Variants in FARSB observed in about 807,000 individuals in gnomAD.
FARSB encodes the protein phenylalanine--tRNA ligase beta subunit.
Under a neutral mutation model 69.6 loss-of-function variants are expected in FARSB, and 40 were observed. That is an observed-to-expected ratio of 0.57 (90% confidence interval 0.45 to 0.75). The LOEUF (loss-of-function observed/expected upper bound fraction) is 0.75. FARSB is among the 30% of genes least tolerant of loss of function. The probability of loss-of-function intolerance (pLI) is 0.00; values close to 1 mark genes in which losing one functional copy is unlikely to be tolerated. For synonymous variants in FARSB, 235 were observed against 247.2 expected, an observed-to-expected ratio of 0.95 and a Z score of 0.46; for missense variants, 632 against 722.9, an observed-to-expected ratio of 0.87 and a Z score of 1.44.
chr2:222,577,008 C>T (rs1162376358), intron 16 of FARSB, among the ~76,000 whole-genome samples: 3 of 151,808 alleles, frequency 2.0e-5, no homozygotes, highest in Non-Finnish European at 2.9e-5. Flanking sequence ...TTGAGGGCAC[C>T]GATGGACTAC....
intron 16 of FARSB, among the ~76,000 whole-genome samples, chr2:222,593,203 AG>A (rs1057433771): frequency 6.6e-5 from 10 of 152,036 alleles, no homozygotes; most frequent in Admixed American, 3.9e-4. Flanking sequence ...GGGGCGGGGC[AG>A]GGGGGTATGA....
At chr2:222,587,645 A>G (rs1292980199) in intron 16 of FARSB, among the ~76,000 whole-genome samples, 1 of 152,222 alleles carries the variant, frequency 6.6e-6, no homozygotes. Flanking sequence ...GAAGAATCAA[A>G]TAGACGCACT....
rs1412548253 is a variant in FARSB, at chr2:222,600,097, G to A, written c.1463-14C>T. The A allele has an allele frequency of 2.4e-5, 39 of 1,599,808 alleles. No homozygotes were observed. Among genetic ancestry groups the A allele is most frequent in the Non-Finnish European group, 3.2e-5 (38 of 1,175,634 alleles). On this transcript the variant is annotated splice_polypyrimidine_tract_variant and intron_variant, in intron 15 of 16. Transcript: ENST00000281828. ...TTGCACCTACATCTAGAAAAATAAA[G>A]GAACTGGTCACAACGCTGTATTAAC...
intron 14 of FARSB, among the ~76,000 whole-genome samples, chr2:222,616,193 A>T (rs1233153096): frequency 1.3e-5 from 2 of 152,224 alleles, no homozygotes. Flanking sequence ...AGAAAGACGG[A>T]AGGATGAGAG....
At position 222,648,752 on chromosome 2, in the gene FARSB, C is replaced by T; in HGVS notation, c.102G>A (p.Glu34=). The part of the protein sequence containing the change: ...FDELCFEFGL[E]LDEITSEKEI... ...ATCCAATACATACAATTTCATCAAG[C>T]TCCAGACCAAATTCAAAACATAGTT... Residue 34 remains glutamate (E), a synonymous_variant, in exon 2 of 17, where the codon GAG becomes GAA. Transcript: ENST00000281828. The T allele has an allele frequency of 6.3e-7, 1 of 1,598,412 alleles. No individual in the cohort carries two copies. Among genetic ancestry groups the T allele is most frequent in the South Asian group, 1.1e-5 (1 of 90,742 alleles).
At chr2:222,604,143 G>A (rs577798846) in intron 15 of FARSB, among the ~76,000 whole-genome samples, 5 of 151,750 alleles carry the variant, frequency 3.3e-5, no homozygotes, top group South Asian at 4.2e-4. Context: ...GCGTGAACCC[G>A]GGAGGCAGAG....
At chr2:222,592,798 C>T (rs1241698740) in intron 16 of FARSB, among the ~76,000 whole-genome samples, 1 of 151,760 alleles carries the variant, frequency 6.6e-6, no homozygotes, top group Non-Finnish European at 1.5e-5. Flanking sequence ...CAGTTTTTCA[C>T]TTTCCGTGGT....
rs776325279 is a variant in FARSB, at chr2:222,619,705, A to G, written c.1284T>C (p.Gly428=). The G allele has an allele frequency of 4.4e-6, 7 of 1,605,854 alleles. No individual in the cohort carries two copies. Among genetic ancestry groups the G allele is most frequent in the Non-Finnish European group, 6.0e-6 (7 of 1,173,096 alleles). ...CSQEDIADKL[G]VDISATKAVH... ...CTGCCTTTGTTGCAGAGATATCCAC[A>G]CCTAGTTTATCAGCAATATCTTCTT... is the stretch of plus-strand genomic sequence containing the variant. Residue 428 remains glycine, a synonymous_variant, in exon 14 of 17, where the codon GGT becomes GGC. Transcript: ENST00000281828.
At chr2:222,617,757 C>T (rs567363678) in intron 14 of FARSB, among the ~76,000 whole-genome samples, 3 of 152,272 alleles carry the variant, frequency 2.0e-5, no homozygotes, top group East Asian at 3.9e-4. Context: ...GTAGCACACA[C>T]CTGTAATCCC....
chr2:222,642,921 C>T lies in FARSB; in HGVS notation c.199G>A (p.Val67Ile), dbSNP rs139085353. Residue 67 changes from valine to isoleucine, a missense_variant, in exon 3 of 17, where the codon GTC (valine) becomes ATC (isoleucine). Val to Ile is a conservative substitution (Grantham distance 29). Coordinates refer to ENST00000281828, the MANE Select transcript of FARSB (RefSeq NM_005687.5). Reference sequence around the variant, plus strand: ...AGGAGATCATATCTATTGGCAGGGACGTCAATTTTGTAAAGAACAACATCA... The same window carrying T: ...AGGAGATCATATCTATTGGCAGGGATGTCAATTTTGTAAAGAACAACATCA... Reference protein sequence around the residue: ...ASDVVLYKIDVPANRYDLLCL... With the variant: ...ASDVVLYKIDIPANRYDLLCL... 4.8e-5 allele frequency: 77 copies of T among 1,612,482 alleles called. No individual in the cohort carries two copies. The highest frequency in any genetic ancestry group is 5.5e-5 in the Non-Finnish European group (65 of 1,178,606).
intron 16 of FARSB, 79 bp downstream of exon 16, chr2:222,599,849 A>C: frequency 8.5e-7 from 1 of 1,179,840 alleles, no homozygotes; most frequent in Non-Finnish European, 1.2e-6. Context: ...CCAAATCAAA[A>C]CTACCAACTT....
intron 14 of FARSB, 96 bp from the exon 15 acceptor site, chr2:222,614,024 A>T: frequency 1.6e-6 from 1 of 628,392 alleles, no homozygotes; most frequent in Non-Finnish European, 2.8e-6. Context: ...CTATGGCTTC[A>T]TAGGAAGACA....
At chr2:222,605,410 A>G (rs1690679836) in intron 15 of FARSB, among the ~76,000 whole-genome samples, 1 of 152,198 alleles carries the variant, frequency 6.6e-6, no homozygotes, top group Non-Finnish European at 1.5e-5. Flanking sequence ...AGAGCCCAAC[A>G]GTAATACTAC....
intron 8 of FARSB, among the ~76,000 whole-genome samples, chr2:222,630,728 T>C (rs560083353): frequency 2.0e-4 from 31 of 152,210 alleles, no homozygotes; most frequent in Non-Finnish European, 3.8e-4. Flanking sequence ...ATATATGCTT[T>C]ACTCTTATAT....
At position 222,567,378 on chromosome 2, in the gene FARSB, T is replaced by C. The variant is rs16863886; in HGVS notation, c.*4493A>G. On this transcript the variant is annotated 3_prime_UTR_variant, in exon 17 of 17. Coordinates refer to ENST00000281828, the MANE Select transcript of FARSB (RefSeq NM_005687.5). ...ATGGTGTCCCTTGAAGGCTATCTGT[T>C]TGCTTTTGGATAAAATGGACAGAAG... The C allele has an allele frequency of 0.31, 47,278 of 152,196 alleles. 7,580 individuals carry two copies. The highest frequency in any genetic ancestry group is 0.45 in the Middle Eastern group (132 of 294). The allele number at this position is 152,196 out of a possible 1,614,324, so 9.4% of individuals were successfully genotyped here.
At chr2:222,613,709 G>A in intron 15 of FARSB, 102 bp downstream of exon 15, 2 of 707,666 alleles carry the variant, frequency 2.8e-6, no homozygotes, top group South Asian at 3.5e-5. Context: ...GTACATAGGG[G>A]CTAATTATAC....
At chr2:222,598,076 C>T (rs377244787) in intron 16 of FARSB, among the ~76,000 whole-genome samples, 2 of 152,208 alleles carry the variant, frequency 1.3e-5, no homozygotes, top group African/African-American at 4.8e-5. Context: ...CCTGTCTCCA[C>T]CTATTCTTCC....
At chr2:222,628,329 A>G (rs1055873138) in intron 10 of FARSB, among the ~76,000 whole-genome samples, 1 of 152,220 alleles carries the variant, frequency 6.6e-6, no homozygotes, top group African/African-American at 2.4e-5. Context: ...ACAAAATAAT[A>G]AATGTCTGAT....
At chr2:222,623,103 A>G (rs536201127) in intron 13 of FARSB, among the ~76,000 whole-genome samples, 1 of 152,328 alleles carries the variant, frequency 6.6e-6, no homozygotes, top group South Asian at 2.1e-4. Flanking sequence ...TACAAATTGC[A>G]TACACATTTT....
Sources: gnomAD v4.1 joint callset for allele counts (sites outside exome capture counted in the v4.1 genomes callset) on GRCh38, gnomAD v4.1.1 for gene constraint, MANE v1.5 for transcripts, NCBI Gene and HGNC (gene_info 2026-07-23, HGNC 2026-07-21) for gene names.